RP1: variants seen among roughly 807,000 people sequenced by gnomAD.
The protein encoded by RP1 is oxygen-regulated protein 1.
In RP1, 16 loss-of-function variants were observed where a neutral mutation model predicts 14.8. The ratio of observed to expected loss-of-function variants is 1.08; its 90% confidence interval spans 0.73 to 1.65. RP1 has a LOEUF of 1.65. Ranked by LOEUF, RP1 falls within the 40% of genes most tolerant of loss-of-function variation. The pLI is 0.00. For synonymous variants in RP1, 876 were observed against 883.6 expected (o/e 0.99, Z 0.15); for missense variants, 2,631 against 2,535.0 (o/e 1.04, Z -0.81).
downstream of RP1, among the ~76,000 whole-genome samples, chr8:54,634,792 A>G (rs1412446963): frequency 6.6e-6 from 1 of 152,130 alleles, no homozygotes; most frequent in African/African-American, 2.4e-5. Flanking sequence ...TAGATGTAAT[A>G]TACAATGGGC....
At position 54,816,686 on chromosome 8, in the gene RP1, T is replaced by C. The variant is rs1256326720; in HGVS notation, c.3616-20764T>C. On this transcript the variant is annotated intron_variant, in intron 24 of 28. Coordinates refer to the RP1 transcript ENST00000637698. ...GGCTTTTACTATTACTTCCTTGCCA[T>C]CCTTCTTTTGCAGAACAGTCAAGGA... 2.0e-5 allele frequency among the ~76,000 whole-genome samples: 3 copies of C among 152,212 alleles called. No homozygotes were observed. The East Asian group carries it at 5.8e-4, about 29-fold the overall frequency.
chr8:54,802,870 A>G (rs1810747281), intron 24 of RP1, among the ~76,000 whole-genome samples: 1 of 152,198 alleles, frequency 6.6e-6, no homozygotes, highest in African/African-American at 2.4e-5. Flanking sequence ...GATTGGATGA[A>G]ACAAAATCTT....
intron 1 of RP1, among the ~76,000 whole-genome samples, chr8:54,603,663 C>A (rs1805352046): frequency 6.6e-6 from 1 of 152,112 alleles, no homozygotes. Flanking sequence ...ATTCTTCTTA[C>A]CCATGAGCAT....
In RP1 at chr8:54,762,751, G is replaced by C. The variant is rs142575677; in HGVS notation, c.3248+3675G>C. Among the ~76,000 whole-genome samples the C allele has an allele frequency of 1.0e-3, 155 of 152,284 alleles. 1 individual carries two copies. Among genetic ancestry groups the C allele is most frequent in the African/African-American group, 3.3e-3 (138 of 41,548 alleles). ...CTGGAGGCCAGTGATCCACGATCCA[G>C]GTGTCATCGGGGCCTCACTGTCTCG... On this transcript the variant is annotated intron_variant, in intron 22 of 22. Transcript: ENST00000636932.
chr8:54,831,613 A>C (rs1438870761), intron 24 of RP1, among the ~76,000 whole-genome samples: 1 of 151,766 alleles, frequency 6.6e-6, no homozygotes, highest in Non-Finnish European at 1.5e-5. Context: ...TACAAACCCC[A>C]TAAAACATAA....
chr8:54,697,046 G>A (rs1313564196), intron 12 of RP1: 40 of 1,548,418 alleles, frequency 2.6e-5, no homozygotes, highest in Non-Finnish European at 3.1e-5. Flanking sequence ...GGCCCGTCAC[G>A]CTACCAAAAA....
intron 25 of RP1, among the ~76,000 whole-genome samples, chr8:54,848,122 C>A (rs1311176240): frequency 1.3e-5 from 2 of 152,352 alleles, no homozygotes; most frequent in Non-Finnish European, 2.9e-5. Flanking sequence ...GCTCTCATTT[C>A]TCCATGCCTC....
At chr8:54,835,095 G>T (rs1394137758) in intron 24 of RP1, among the ~76,000 whole-genome samples, 1 of 141,044 alleles carries the variant, frequency 7.1e-6, no homozygotes, top group Non-Finnish European at 1.6e-5. Flanking sequence ...CTACATTTTG[G>T]AGTCACTGTC....
At chr8:54,574,489 A>G (rs1804601474) in intron 1 of RP1, among the ~76,000 whole-genome samples, 1 of 152,098 alleles carries the variant, frequency 6.6e-6, no homozygotes, top group Non-Finnish European at 1.5e-5. Flanking sequence ...CATTCCGAGC[A>G]GAGGGAATAA....
intron 14 of RP1, among the ~76,000 whole-genome samples, chr8:54,703,392 A>G (rs2129344127): frequency 6.6e-6 from 1 of 152,300 alleles, no homozygotes; most frequent in South Asian, 2.1e-4. Flanking sequence ...TTGTCAATGA[A>G]TAGTTATATT....
intron 24 of RP1, among the ~76,000 whole-genome samples, chr8:54,821,444 T>C (rs532528906): frequency 6.6e-6 from 1 of 152,210 alleles, no homozygotes; most frequent in Non-Finnish European, 1.5e-5. Flanking sequence ...TAGGCTTATG[T>C]TATCTAAAAT....
chr8:54,753,407 A>T (rs568554042), intron 19 of RP1, among the ~76,000 whole-genome samples: 1 of 152,290 alleles, frequency 6.6e-6, no homozygotes, highest in African/African-American at 2.4e-5. Context: ...TAAATCATCA[A>T]TGGGGAGGCT....
chr8:54,823,580 T>C (rs1237823540), intron 24 of RP1, among the ~76,000 whole-genome samples: 1 of 152,200 alleles, frequency 6.6e-6, no homozygotes, highest in Admixed American at 6.5e-5. Flanking sequence ...TCCACTCACG[T>C]TGGCCTCCAA....
At chr8:54,764,555 G>A (rs924475177) in intron 22 of RP1, among the ~76,000 whole-genome samples, 1 of 152,210 alleles carries the variant, frequency 6.6e-6, no homozygotes, top group East Asian at 1.9e-4. Context: ...AGTTATATGT[G>A]TGTGTTTATG....
At chr8:54,807,397 A>G (rs1404322089) in intron 24 of RP1, among the ~76,000 whole-genome samples, 1 of 152,206 alleles carries the variant, frequency 6.6e-6, no homozygotes, top group Non-Finnish European at 1.5e-5. Flanking sequence ...ACTTGCTAAA[A>G]CATTCCAGAG....
At chr8:54,631,419 A>C (rs1391681393), downstream of RP1, among the ~76,000 whole-genome samples, 3 of 152,218 alleles carry the variant, frequency 2.0e-5, no homozygotes, top group Non-Finnish European at 4.4e-5. Flanking sequence ...AGAAAGGAGA[A>C]AATAATTTAC....
chr8:54,758,860 C>A (rs899093165), intron 21 of RP1: 92 of 1,487,632 alleles, frequency 6.2e-5, no homozygotes, highest in Non-Finnish European at 8.1e-5. Context: ...TTATTGCCTG[C>A]ATTTGTCATG....
Position 54,726,411 on chromosome 8 carries a change from C to A in RP1, c.2456C>A (p.Ser819Ter). ...CAAGAAGAAGAAAAGATCCATGAGT[C>A]AAAAAAACAGAAAAAAATACCCCCA... The change falls in exon 17 of 23, where the codon TCA becomes TAA. Residue 819 changes from serine to a stop codon, truncating the protein, a stop_gained. Transcript: ENST00000636932. LOFTEE classifies it high-confidence loss of function. The A allele has an allele frequency of 6.5e-7, 1 of 1,533,806 alleles. No homozygotes were observed. The highest frequency in any genetic ancestry group is 2.4e-5 in the East Asian group (1 of 40,822).
At chr8:54,825,675 T>C (rs1174643563) in intron 24 of RP1, among the ~76,000 whole-genome samples, 1 of 152,222 alleles carries the variant, frequency 6.6e-6, no homozygotes, top group Non-Finnish European at 1.5e-5. Context: ...GTCTAGTTGT[T>C]TTATTAATTT....
Sources: gnomAD v4.1 joint callset for allele counts (sites outside exome capture counted in the v4.1 genomes callset) on GRCh38, gnomAD v4.1.1 for gene constraint, MANE v1.5 for transcripts, NCBI Gene and HGNC (gene_info 2026-07-23, HGNC 2026-07-21) for gene names.